The following SOX5 variants were observed in gnomAD, a reference collection of about 807,000 sequenced individuals.
SOX5 encodes SRY-box transcription factor 5.
A neutral mutation model predicts 92.0 loss-of-function variants in SOX5; 9 were observed. The ratio of observed to expected loss-of-function variants is 0.10; its 90% CI spans 0.06 to 0.17. The LOEUF (loss-of-function observed/expected upper bound fraction) is 0.17, where lower values mean the gene tolerates loss of function less well. SOX5 is among the 10% of genes least tolerant of loss of function. The pLI is 1.00. For missense variants in SOX5, 642 were observed against 944.5 expected, an observed-to-expected ratio of 0.68 and a Z score of 4.20; for synonymous variants, 344 against 336.3, an observed-to-expected ratio of 1.02 and a Z score of -0.25.
chr12:24,087,578 A>C (rs578018180), intron 4 of SOX5, among the ~76,000 whole-genome samples: 45 of 152,084 alleles, frequency 3.0e-4, no homozygotes, highest in Non-Finnish European at 5.7e-4. Flanking sequence ...AATGGCAGAT[A>C]ATATGCTTTT....
chr12:24,165,726 C>T (rs1327739943), intron 4 of SOX5, among the ~76,000 whole-genome samples: 2 of 151,902 alleles, frequency 1.3e-5, no homozygotes, highest in Non-Finnish European at 1.5e-5. Flanking sequence ...TGGAGTTTGG[C>T]AGAGCCAACG....
At chr12:23,549,898 T>C (rs1943868945) in intron 11 of SOX5, among the ~76,000 whole-genome samples, 1 of 151,966 alleles carries the variant, frequency 6.6e-6, no homozygotes, top group Admixed American at 6.6e-5. Context: ...TCGAAGTGAA[T>C]TGTATCTCAT....
At chr12:24,073,865 ATTTT>A in intron 4 of SOX5, among the ~76,000 whole-genome samples, 1 of 152,226 alleles carries the variant, frequency 6.6e-6, no homozygotes, top group East Asian at 1.9e-4. Flanking sequence ...TAGACAATAA[ATTTT>A]ATTTATTGCT....
intron 1 of SOX5, among the ~76,000 whole-genome samples, chr12:24,477,591 T>G (rs1307801138): frequency 6.6e-6 from 1 of 152,108 alleles, no homozygotes; most frequent in African/African-American, 2.4e-5. Flanking sequence ...GAAAATATAT[T>G]TCTCAGTACT....
intron 3 of SOX5, among the ~76,000 whole-genome samples, chr12:24,261,872 C>A (rs1163425353): frequency 6.6e-6 from 1 of 152,118 alleles, no homozygotes; most frequent in African/African-American, 2.4e-5. Flanking sequence ...GCCTGTGAAA[C>A]CTCTTCTGTT....
At chr12:24,018,382 C>T (rs1404025016) in intron 4 of SOX5, among the ~76,000 whole-genome samples, 1 of 152,140 alleles carries the variant, frequency 6.6e-6, no homozygotes, top group Non-Finnish European at 1.5e-5. Flanking sequence ...GTATCTGATG[C>T]ATTGGTTTCA....
At chr12:24,339,163 C>CCACACACACACACACACA (rs56243419) in intron 2 of SOX5, among the ~76,000 whole-genome samples, 147 of 140,470 alleles carry the variant, frequency 1.0e-3, no homozygotes, top group African/African-American at 1.8e-3. Flanking sequence ...TCTCTCTCTG[C>CCACACACACACACACACA]CACACACACA....
At chr12:24,368,280 C>T (rs1956366798) in intron 2 of SOX5, 1 of 152,114 alleles carries the variant, frequency 6.6e-6, no homozygotes. Flanking sequence ...CAAATACACA[C>T]AAGTGTAGGA....
intron 3 of SOX5, among the ~76,000 whole-genome samples, chr12:24,226,457 C>T (rs1010912894): frequency 4.0e-5 from 6 of 151,694 alleles, no homozygotes; most frequent in Non-Finnish European, 8.8e-5. Flanking sequence ...AGAGATCTTC[C>T]TCATTATTTT....
intron 7 of SOX5, among the ~76,000 whole-genome samples, chr12:23,648,166 T>A (rs141497417): frequency 6.6e-6 from 1 of 152,288 alleles, no homozygotes; most frequent in East Asian, 1.9e-4. Context: ...TAATCAAGTT[T>A]GAAATATTGA....
At chr12:24,001,183 T>G (rs1455228923) in intron 4 of SOX5, among the ~76,000 whole-genome samples, 4 of 152,134 alleles carry the variant, frequency 2.6e-5, no homozygotes, top group Admixed American at 1.3e-4. Context: ...CTCAACCTCC[T>G]GGGCTCCAGT....
intron 1 of SOX5, among the ~76,000 whole-genome samples, chr12:23,911,763 C>T (rs968906647): frequency 6.6e-6 from 1 of 152,062 alleles, no homozygotes; most frequent in African/African-American, 2.4e-5. Flanking sequence ...GTTCTAGGTG[C>T]TTTCCATGTA....
chr12:23,896,111 G>A (rs1253470833), intron 1 of SOX5, 87 bp from the exon 2 acceptor site: 2 of 901,444 alleles, frequency 2.2e-6, no homozygotes, highest in East Asian at 2.4e-5. Context: ...CATTGTAACA[G>A]AAATGCCTTT....
At chr12:24,078,823 T>C (rs570420937) in intron 4 of SOX5, among the ~76,000 whole-genome samples, 17 of 152,210 alleles carry the variant, frequency 1.1e-4, no homozygotes. Flanking sequence ...TTCTAGAATA[T>C]GTATCTTTAC....
intron 10 of SOX5, among the ~76,000 whole-genome samples, chr12:23,570,719 G>C (rs1337208613): frequency 6.6e-6 from 1 of 151,028 alleles, no homozygotes; most frequent in Non-Finnish European, 1.5e-5. Flanking sequence ...GACCATCCTG[G>C]ATAACATGGT....
intron 2 of SOX5, among the ~76,000 whole-genome samples, chr12:24,333,473 A>C (rs1323750905): frequency 6.6e-6 from 1 of 152,080 alleles, no homozygotes; most frequent in Non-Finnish European, 1.5e-5. Flanking sequence ...TTTATCCACT[A>C]ATCTTAAGGA....
chr12:23,857,444 A>G (rs2096705489), intron 2 of SOX5, among the ~76,000 whole-genome samples: 1 of 152,196 alleles, frequency 6.6e-6, no homozygotes, highest in Non-Finnish European at 1.5e-5. Flanking sequence ...GGAGTTGAAA[A>G]GAACCATCAA....
Position 24,141,519 on chromosome 12 carries a change from C to A in SOX5, c.-2+71824G>T, listed in dbSNP as rs184983059. Among the ~76,000 whole-genome samples the A allele has an allele frequency of 6.6e-5, 10 of 152,292 alleles. No homozygotes were observed. The East Asian group carries it at 1.9e-3, about 29-fold the overall frequency. On this transcript the variant is annotated intron_variant, in intron 4 of 4. Coordinates refer to the SOX5 transcript ENST00000446891. ...TGGAAGAAGATACTAGTGTAATCCACCCCTTTTGCCTAGCAGGGTCTCTTG... is the reference window on the plus strand; with the variant it reads ...TGGAAGAAGATACTAGTGTAATCCAACCCTTTTGCCTAGCAGGGTCTCTTG...
chr12:24,560,634 A>C (rs1954244745), intron 1 of SOX5, among the ~76,000 whole-genome samples: 1 of 152,210 alleles, frequency 6.6e-6, no homozygotes, highest in Non-Finnish European at 1.5e-5. Flanking sequence ...AGCAATTCTC[A>C]TACAGCTGAA....
Sources: gnomAD v4.1 joint callset for allele counts (sites outside exome capture counted in the v4.1 genomes callset) on GRCh38, gnomAD v4.1.1 for gene constraint, MANE v1.5 for transcripts, NCBI Gene and HGNC (gene_info 2026-07-23, HGNC 2026-07-21) for gene names.